Variants in MAP4K4 observed in about 807,000 individuals in gnomAD.
The protein encoded by MAP4K4 is HPK/GCK-like kinase HGK.
MAP4K4 carries 38 observed loss-of-function variants against 189.6 expected under a neutral mutation model. That is an observed-to-expected ratio of 0.20 (90% CI 0.15 to 0.26). MAP4K4 has a LOEUF of 0.26. Ranked by LOEUF, MAP4K4 falls within the 10% of genes least tolerant of loss-of-function variation. MAP4K4 has a pLI of 1.00. For synonymous variants in MAP4K4, 610 were observed against 624.3 expected (o/e 0.98, Z 0.34); for missense variants, 1,054 against 1,726.9 (o/e 0.61, Z 6.91).
chr2:101,823,170 T>A (rs988384367), intron 3 of MAP4K4, among the ~76,000 whole-genome samples: 1 of 152,198 alleles, frequency 6.6e-6, no homozygotes, highest in African/African-American at 2.4e-5. Flanking sequence ...GGGCAACTTA[T>A]TTTTATTTTC....
chr2:101,806,599 C>T (rs958913497), intron 3 of MAP4K4, among the ~76,000 whole-genome samples: 5 of 152,058 alleles, frequency 3.3e-5, no homozygotes, highest in East Asian at 1.9e-4. Context: ...AGGCTGGTGT[C>T]GAACTCCTGA....
At chr2:101,859,988 T>C (rs372837207) in intron 15 of MAP4K4, 124 bp downstream of exon 15, 1 of 1,009,068 alleles carries the variant, frequency 9.9e-7, no homozygotes, top group South Asian at 1.4e-5. Context: ...TTTCTTCATT[T>C]TCTAACTAGG....
At chr2:101,889,186 A>G (rs933088961) in intron 32 of MAP4K4, among the ~76,000 whole-genome samples, 2 of 152,184 alleles carry the variant, frequency 1.3e-5, no homozygotes, top group African/African-American at 4.8e-5. Flanking sequence ...TTTTAACTCT[A>G]TTAGATGACC....
chr2:101,883,620 CAG>C (rs2098440625), intron 28 of MAP4K4, among the ~76,000 whole-genome samples: 1 of 152,156 alleles, frequency 6.6e-6, no homozygotes, highest in South Asian at 2.1e-4. Flanking sequence ...TATAGTCTAA[CAG>C]AATTTAAACA....
intron 1 of MAP4K4, 126 bp downstream of exon 1, chr2:101,698,263 T>G: frequency 1.0e-5 from 4 of 399,988 alleles, no homozygotes; most frequent in Non-Finnish European, 1.5e-5. Context: ...GGCGGCCCCT[T>G]TGTCTTCCTG....
chr2:101,760,667 G>A (rs1157525533), intron 2 of MAP4K4, among the ~76,000 whole-genome samples: 2 of 151,880 alleles, frequency 1.3e-5, no homozygotes, highest in Non-Finnish European at 2.9e-5. Flanking sequence ...AAAAAATAAA[G>A]TTTGGAGAGG....
At chr2:101,775,069 A>T (rs1201251285) in intron 2 of MAP4K4, among the ~76,000 whole-genome samples, 1 of 129,994 alleles carries the variant, frequency 7.7e-6, no homozygotes, top group African/African-American at 2.9e-5. Context: ...GGGCTGAGTG[A>T]TGGTTGTAGG....
chr2:101,737,668 C>A (rs1489693990), intron 2 of MAP4K4, among the ~76,000 whole-genome samples: 1 of 151,198 alleles, frequency 6.6e-6, no homozygotes, highest in Non-Finnish European at 1.5e-5. Flanking sequence ...CCATTCTCTG[C>A]CACTCCTTTT....
intron 2 of MAP4K4, among the ~76,000 whole-genome samples, chr2:101,725,847 G>A (rs2055015124): frequency 6.6e-6 from 1 of 152,130 alleles, no homozygotes; most frequent in Non-Finnish European, 1.5e-5. Flanking sequence ...TCCTCTTCAG[G>A]GCAGGCTCTG....
At chr2:101,867,717 C>T (rs2149983822) in intron 20 of MAP4K4, 1 of 424,756 alleles carries the variant, frequency 2.4e-6, no homozygotes, top group Middle Eastern at 6.2e-4. Flanking sequence ...TCAGCATTTA[C>T]AATACTGGCT....
At chr2:101,878,112 A>C (rs2098268645) in intron 27 of MAP4K4, among the ~76,000 whole-genome samples, 1 of 152,256 alleles carries the variant, frequency 6.6e-6, no homozygotes, top group South Asian at 2.1e-4. Context: ...AAACTAGTAC[A>C]GGAAAACAAC....
At chr2:101,730,036 G>A (rs375556167) in intron 2 of MAP4K4, among the ~76,000 whole-genome samples, 2 of 152,180 alleles carry the variant, frequency 1.3e-5, no homozygotes, top group Non-Finnish European at 2.9e-5. Flanking sequence ...AACATCTTCC[G>A]TGGCAGCTAG....
intron 14 of MAP4K4, 21 bp from the exon 15 acceptor site, chr2:101,859,621 TG>T (rs2097576529): frequency 6.4e-7 from 1 of 1,554,632 alleles, no homozygotes; most frequent in Non-Finnish European, 8.8e-7. Flanking sequence ...ATAGATTTAG[TG>T]TTATCCTCTC....
At chr2:101,705,352 T>C (rs1178548634) in intron 2 of MAP4K4, among the ~76,000 whole-genome samples, 2 of 152,160 alleles carry the variant, frequency 1.3e-5, no homozygotes, top group Non-Finnish European at 2.9e-5. Flanking sequence ...GGGATGTCAG[T>C]CATACATTCT....
At chr2:101,747,209 C>T (rs994214162) in intron 2 of MAP4K4, among the ~76,000 whole-genome samples, 1 of 152,134 alleles carries the variant, frequency 6.6e-6, no homozygotes, top group Non-Finnish European at 1.5e-5. Flanking sequence ...ACCTCCGCCT[C>T]CTGGGTTCAT....
At chr2:101,859,718 T>C (rs1237365488) in exon 15 of MAP4K4, 1 of 1,612,596 alleles carries the variant, frequency 6.2e-7, no homozygotes, top group East Asian at 2.2e-5. Flanking sequence ...AGAACAAGCA[T>C]ATCTCCTGTC....
chr2:101,855,924 A>G, intron 12 of MAP4K4, 53 bp from the exon 13 acceptor site: 1 of 1,517,592 alleles, frequency 6.6e-7, no homozygotes, highest in Non-Finnish European at 8.9e-7. Context: ...CTATAACATC[A>G]TGAGAAAGAT....
chr2:101,732,247 A>T (rs1386230570), intron 2 of MAP4K4, among the ~76,000 whole-genome samples: 1 of 152,140 alleles, frequency 6.6e-6, no homozygotes, highest in Non-Finnish European at 1.5e-5. Context: ...TCCAGAATTT[A>T]TTTAGGTTAT....
Position 101,698,150 on chromosome 2 carries a change from G to A in MAP4K4, c.57+13G>A, listed in dbSNP as rs1414338549. The stretch of plus-strand genomic sequence containing the variant: ...CTCCTCCCTGCGGGTGAGTGGGCCC[G>A]CGAGCGGGCGCGCGGGGAGCGGGCA... On this transcript the variant is annotated intron_variant, in intron 1 of 32. Coordinates refer to ENST00000324219, the Ensembl canonical transcript of MAP4K4. 3 of 1,199,716 alleles carry A rather than the reference G, an allele frequency of 2.5e-6. No homozygotes were observed. Among genetic ancestry groups the A allele is most frequent in the African/African-American group, 3.3e-5 (2 of 60,644 alleles). The allele number at this position is 1,199,716 out of a possible 1,614,324, so 74.3% of individuals were successfully genotyped here.
Sources: gnomAD v4.1 joint callset for allele counts (sites outside exome capture counted in the v4.1 genomes callset) on GRCh38, gnomAD v4.1.1 for gene constraint, MANE v1.5 for transcripts, NCBI Gene and HGNC (gene_info 2026-07-23, HGNC 2026-07-21) for gene names.